The following SBF2 variants were observed in gnomAD, a reference collection of about 807,000 sequenced individuals.
SBF2 encodes SET binding factor 2, also known as myotubularin-related protein 13.
A neutral mutation model predicts 225.2 loss-of-function variants in SBF2; 112 were observed. The observed-to-expected ratio is 0.50, with a 90% CI of 0.43 to 0.58. The LOEUF is 0.58. Ranked by LOEUF, SBF2 falls within the 20% of genes least tolerant of loss-of-function variation. SBF2 has a pLI of 0.00. For synonymous variants in SBF2, 763 were observed against 773.3 expected (o/e 0.99, Z 0.22); for missense variants, 1,996 against 2,206.2 (o/e 0.90, Z 1.91).
chr11:9,808,628 C>T (rs1404948020), intron 31 of SBF2: 1 of 427,256 alleles, frequency 2.3e-6, no homozygotes, highest in African/African-American at 2.0e-5. Flanking sequence ...ATGGTCCACG[C>T]CTCACACTGC....
intron 34 of SBF2, 29 bp from the exon 35 acceptor site, chr11:9,789,371 A>C: frequency 1.3e-6 from 2 of 1,564,360 alleles, no homozygotes; most frequent in Non-Finnish European, 8.8e-7. Flanking sequence ...ATATAGTTTC[A>C]TCTTGACCCC....
At chr11:9,940,141 C>T (rs760058949) in intron 16 of SBF2, among the ~76,000 whole-genome samples, 1 of 152,152 alleles carries the variant, frequency 6.6e-6, no homozygotes, top group East Asian at 1.9e-4. Context: ...CGGTGGCTCA[C>T]GCCTGTAATC....
intron 16 of SBF2, among the ~76,000 whole-genome samples, chr11:9,934,150 C>T (rs970826453): frequency 3.6e-4 from 55 of 152,182 alleles, no homozygotes; most frequent in Admixed American, 2.2e-3. Context: ...CACAGAAATA[C>T]AAACTACCAT....
At chr11:9,841,591 G>C (rs1346323278) in intron 25 of SBF2, among the ~76,000 whole-genome samples, 1 of 151,816 alleles carries the variant, frequency 6.6e-6, no homozygotes, top group East Asian at 1.9e-4. Flanking sequence ...GGAGTGCAGT[G>C]GTGCAATCTC....
intron 17 of SBF2, among the ~76,000 whole-genome samples, chr11:9,883,220 A>T (rs1307843575): frequency 6.6e-6 from 1 of 152,194 alleles, no homozygotes; most frequent in East Asian, 1.9e-4. Context: ...CTGCATAATA[A>T]TGGCAATATT....
intron 17 of SBF2, among the ~76,000 whole-genome samples, chr11:9,874,987 G>A (rs1564942314): frequency 6.6e-6 from 1 of 152,140 alleles, no homozygotes; most frequent in Non-Finnish European, 1.5e-5. Flanking sequence ...ATTTATTGAG[G>A]AGAAATATGC....
intron 2 of SBF2, among the ~76,000 whole-genome samples, chr11:10,121,329 G>A (rs72860561): frequency 0.05 from 7,641 of 152,252 alleles, 266 homozygotes; most frequent in Middle Eastern, 0.15. Flanking sequence ...TTCTGTCTTT[G>A]AAATCTCTCC....
chr11:9,839,291 T>C (rs1855940951), intron 26 of SBF2: 1 of 596,456 alleles, frequency 1.7e-6, no homozygotes, highest in Non-Finnish European at 3.0e-6. Context: ...GTACTTTACC[T>C]TTCACCTTCT....
chr11:9,953,990 A>G (rs1342194746), intron 16 of SBF2, among the ~76,000 whole-genome samples: 2 of 152,196 alleles, frequency 1.3e-5, no homozygotes, highest in African/African-American at 4.8e-5. Context: ...TTGACAAAAT[A>G]AAAAGTTAAG....
chr11:10,239,814 T>C (rs886887744), intron 1 of SBF2, among the ~76,000 whole-genome samples: 36 of 152,240 alleles, frequency 2.4e-4, no homozygotes, highest in African/African-American at 8.4e-4. Context: ...AGAAAAGTAT[T>C]GATATACATG....
In SBF2 at chr11:9,973,004, T is replaced by C. The variant is rs151027648; in HGVS notation, c.1396-4459A>G. On this transcript the variant is annotated intron_variant, in intron 13 of 39. Coordinates refer to ENST00000256190, the MANE Select transcript of SBF2 (RefSeq NM_030962.4). Reference sequence around the variant, plus strand: ...GATATATTTAGCTGTGTTTAGAAGATTCGAAAAAGACTTATGCCCCAGAAT... The same window carrying C: ...GATATATTTAGCTGTGTTTAGAAGACTCGAAAAAGACTTATGCCCCAGAAT... Among the ~76,000 whole-genome samples, 560 of 152,312 alleles carry C rather than the reference T, an allele frequency of 3.7e-3. 1 individual carries two copies. The highest frequency in any genetic ancestry group is 6.1e-3 in the Admixed American group (93 of 15,304).
At chr11:10,068,656 T>C (rs1455501375) in intron 2 of SBF2, among the ~76,000 whole-genome samples, 1 of 152,142 alleles carries the variant, frequency 6.6e-6, no homozygotes, top group Non-Finnish European at 1.5e-5. Context: ...ACATAGTACC[T>C]AGCAAAGAGT....
At chr11:10,152,584 C>T in intron 2 of SBF2, among the ~76,000 whole-genome samples, 1 of 151,610 alleles carries the variant, frequency 6.6e-6, no homozygotes, top group East Asian at 1.9e-4. Flanking sequence ...AAAGAAAGTA[C>T]CCCATATATT....
At chr11:10,251,773 A>G (rs1960380656) in intron 1 of SBF2, among the ~76,000 whole-genome samples, 1 of 152,218 alleles carries the variant, frequency 6.6e-6, no homozygotes, top group African/African-American at 2.4e-5. Flanking sequence ...TTCAACTGGA[A>G]TGACAAAAGT....
rs145174790 is a variant in SBF2, at chr11:9,789,328, A to G, written c.4713T>C (p.Asn1571=). 4.3e-6 allele frequency: 7 copies of G among 1,613,752 alleles called. No homozygotes were observed. The African/African-American group carries it at 9.3e-5, about 22-fold the overall frequency. ...ACTTCTTGAGGCTAGAGACGTTTAC[A>G]TTGGGCTTTAGAGCCTGTTAAAGAA... ...SPLEIEALKP[N]VNVSSLKKWD... is the part of the protein sequence containing the mutation. The change falls in exon 35 of 40, where the codon AAT becomes AAC. Residue 1571 remains asparagine, a synonymous_variant. Transcript: ENST00000256190.
At chr11:10,034,009 A>G (rs1277622684) in intron 3 of SBF2, among the ~76,000 whole-genome samples, 3 of 152,212 alleles carry the variant, frequency 2.0e-5, no homozygotes, top group African/African-American at 4.8e-5. Context: ...AAAGTTTCAC[A>G]TATTTTATCC....
intron 16 of SBF2, among the ~76,000 whole-genome samples, chr11:9,917,444 G>A (rs898320203): frequency 4.6e-5 from 7 of 151,434 alleles, no homozygotes; most frequent in Non-Finnish European, 8.8e-5. Context: ...CAATTCTCCT[G>A]CCTCAGCCTC....
intron 36 of SBF2, among the ~76,000 whole-genome samples, chr11:9,785,647 A>C (rs1411364794): frequency 6.6e-6 from 1 of 152,130 alleles, no homozygotes; most frequent in South Asian, 2.1e-4. Flanking sequence ...GGATCACTTG[A>C]GTCCAGGAGT....
intron 2 of SBF2, among the ~76,000 whole-genome samples, chr11:10,079,173 C>T (rs971144070): frequency 2.9e-4 from 44 of 152,144 alleles, no homozygotes; most frequent in African/African-American, 1.1e-3. Flanking sequence ...GATGCTATGA[C>T]ATCTCAAAGA....
Sources: allele counts gnomAD v4.1 joint callset (sites outside exome capture counted in the v4.1 genomes callset), GRCh38; gene constraint gnomAD v4.1.1; transcripts MANE v1.5; gene names NCBI Gene and HGNC (gene_info 2026-07-23, HGNC 2026-07-21).